PLAGL1: variants seen among roughly 807,000 people sequenced by gnomAD.
PLAGL1 encodes zinc finger protein PLAGL1.
Under a neutral mutation model 4.6 loss-of-function variants are expected in PLAGL1, and 1 was observed. The ratio of observed to expected loss-of-function variants is 0.22; its 90% CI spans 0.08 to 1.03. The LOEUF (loss-of-function observed/expected upper bound fraction) is 1.03. PLAGL1 is among the 50% of genes least tolerant of loss of function. The pLI is 0.58. For synonymous variants in PLAGL1, 240 were observed against 237.8 expected, an observed-to-expected ratio of 1.01 and a Z score of -0.08; for missense variants, 464 against 570.4, an observed-to-expected ratio of 0.81 and a Z score of 1.90.
intron 1 of PLAGL1, among the ~76,000 whole-genome samples, chr6:144,038,944 T>C (rs1797501699): frequency 6.6e-6 from 1 of 152,232 alleles, no homozygotes; most frequent in African/African-American, 2.4e-5. Flanking sequence ...TTGTATGATA[T>C]GTGAACTATA....
chr6:144,024,255 A>C (rs560547779), intron 1 of PLAGL1, among the ~76,000 whole-genome samples: 3 of 152,318 alleles, frequency 2.0e-5, no homozygotes, highest in African/African-American at 7.2e-5. Flanking sequence ...TCTCCAATAA[A>C]AGGAACCATG....
In PLAGL1 at chr6:143,971,823, G is replaced by A. The variant is rs543031868; in HGVS notation, c.-543-2845C>T. On this transcript the variant is annotated intron_variant, in intron 2 of 7. Transcript: ENST00000674357. This position sits in a 1 kb window ranked among gnomAD's most constrained non-coding sequence, Gnocchi z 4.7. ...CTTATCCATCTCAATCACTAAATTC[G>A]GTCAAGTAAAAGTCTACAAAATTCT... Among the ~76,000 whole-genome samples, 15 of 152,162 alleles carry A rather than the reference G, an allele frequency of 9.9e-5. No homozygotes were observed. Among genetic ancestry groups the A allele is most frequent in the East Asian group, 3.9e-4 (2 of 5,190 alleles).
chr6:144,038,329 T>C (rs1008561868), intron 1 of PLAGL1, among the ~76,000 whole-genome samples: 4 of 152,226 alleles, frequency 2.6e-5, no homozygotes, highest in Non-Finnish European at 4.4e-5. Flanking sequence ...ACTGACAAGC[T>C]GTTCCTAAAA....
At position 143,994,082 on chromosome 6, in the gene PLAGL1, A is replaced by G. The variant is rs6928827; in HGVS notation, c.-583-8908T>C. On this transcript the variant is annotated intron_variant, in intron 1 of 7. Transcript: ENST00000674357. This position sits in a 1 kb window ranked among gnomAD's most constrained non-coding sequence, Gnocchi z 4.3. ...AGAACTCCCTAGGGGCAAGGCCAGT[A>G]CTTCTGAAAATGATGAACAAGAAGG... 0.85 allele frequency among the ~76,000 whole-genome samples: 128,785 copies of G among 151,670 alleles called. 54,911 individuals carry two copies. Among genetic ancestry groups the G allele is most frequent in the Non-Finnish European group, 0.88 (59,952 of 67,884 alleles).
Position 143,970,561 on chromosome 6 carries a change from G to C in PLAGL1, c.-543-1583C>G, listed in dbSNP as rs1785230281. Among the ~76,000 whole-genome samples, 2 of 152,044 alleles carry C rather than the reference G, an allele frequency of 1.3e-5. No individual in the cohort carries two copies. Among genetic ancestry groups the C allele is most frequent in the African/African-American group, 4.8e-5 (2 of 41,390 alleles). On this transcript the variant is annotated intron_variant, in intron 2 of 7. Transcript: ENST00000674357. The surrounding 1 kb of genome is among the most constrained non-coding windows in gnomAD (Gnocchi z 5.8). ...TAAGGAGGATGTCTTGTTTTCAACG[G>C]CTAGATAAACGTTTATTAGGGCTGC... is the stretch of plus-strand genomic sequence containing the variant.
intron 1 of PLAGL1, among the ~76,000 whole-genome samples, chr6:143,986,734 C>A (rs1789256163): frequency 6.6e-6 from 1 of 152,150 alleles, no homozygotes; most frequent in African/African-American, 2.4e-5. Flanking sequence ...AACTACACAG[C>A]ACATTTATGC....
intron 1 of PLAGL1, among the ~76,000 whole-genome samples, chr6:143,993,339 C>CAT (rs1244594702): frequency 6.7e-6 from 1 of 149,560 alleles, no homozygotes; most frequent in African/African-American, 2.5e-5. Context: ...AAAACACACA[C>CAT]ACACACACAC....
rs1260243602 is a variant in PLAGL1 at position 143,979,607 on chromosome 6, T to TAAATAA, written c.-544+5527_-544+5528insTTATTT. ...AGTATAAAAACTTTATAGTTATATT[T>TAAATAA]TTCCTCACCTGACCTTTGTGCAATT... On this transcript the variant is annotated intron_variant, in intron 2 of 7. Transcript: ENST00000674357. This position sits in a 1 kb window ranked among gnomAD's most constrained non-coding sequence, Gnocchi z 4.6. Among the ~76,000 whole-genome samples the TAAATAA allele has an allele frequency of 7.9e-5, 12 of 152,222 alleles. No individual in the cohort carries two copies. The highest frequency in any genetic ancestry group is 1.8e-4 in the Non-Finnish European group (12 of 67,938).
At chr6:143,956,907 C>T (rs1198311600) in intron 6 of PLAGL1, among the ~76,000 whole-genome samples, 1 of 152,234 alleles carries the variant, frequency 6.6e-6, no homozygotes, top group Non-Finnish European at 1.5e-5. Flanking sequence ...AGAAGTGCTT[C>T]ATCTCTCACA....
intron 1 of PLAGL1, among the ~76,000 whole-genome samples, chr6:144,001,073 G>C (rs2128657125): frequency 6.6e-6 from 1 of 151,966 alleles, no homozygotes; most frequent in African/African-American, 2.4e-5. Context: ...CCAATAAAAG[G>C]AATCAAGACA....
rs778639715 is a variant in PLAGL1, at chr6:144,013,579, T to A, written c.-150-44601A>T. ...AGGCCAGAAGTCTGAAATCAAGATA[T>A]CAGCAAAGGCCGCAGGCGCCATCTA... On this transcript the variant is annotated intron_variant, in intron 1 of 3. Coordinates refer to the PLAGL1 transcript ENST00000437412. The surrounding 1 kb of genome is among the most constrained non-coding windows in gnomAD (Gnocchi z 4.4). 1.3e-5 allele frequency among the ~76,000 whole-genome samples: 2 copies of A among 152,208 alleles called. No individual in the cohort carries two copies. Among genetic ancestry groups the A allele is most frequent in the East Asian group, 3.8e-4 (2 of 5,204 alleles).
In PLAGL1 at chr6:143,949,469, C is replaced by T. The variant is rs1021373098; in HGVS notation, c.-324-1009G>A. ...TACACTTGGAGATGTCTCCTCCTAG[C>T]TTCACTCTCAGGACCTGGACCAACC... On this transcript the variant is annotated intron_variant, in intron 6 of 7. Transcript: ENST00000674357. This position sits in a 1 kb window ranked among gnomAD's most constrained non-coding sequence, Gnocchi z 5.3. 6.6e-6 allele frequency among the ~76,000 whole-genome samples: 1 copy of T among 152,174 alleles called. No homozygotes were observed. Among genetic ancestry groups the T allele is most frequent in the South Asian group, 2.1e-4 (1 of 4,832 alleles).
chr6:144,002,635 G>C (rs1793154765), intron 1 of PLAGL1, among the ~76,000 whole-genome samples: 1 of 151,696 alleles, frequency 6.6e-6, no homozygotes, highest in Admixed American at 6.6e-5. Flanking sequence ...CACTAGGCAA[G>C]ATGTTTGGAA....
chr6:143,986,621 A>G (rs1468899911), intron 1 of PLAGL1, among the ~76,000 whole-genome samples: 11 of 152,342 alleles, frequency 7.2e-5, no homozygotes, highest in Non-Finnish European at 1.5e-4. Flanking sequence ...GATCATGTTC[A>G]GATTATAGTA....
In PLAGL1 at chr6:143,955,476, G is replaced by A. The variant is rs1781925397; in HGVS notation, c.-325+4993C>T. ...CAGCCACAAACTCTTGAATTTATGT[G>A]GAGATGCAGTGAGGAGGGCGGGAAG... On this transcript the variant is annotated intron_variant, in intron 6 of 7. Coordinates refer to ENST00000674357, the MANE Select transcript of PLAGL1 (RefSeq NM_001317162.2). This position sits in a 1 kb window ranked among gnomAD's most constrained non-coding sequence, Gnocchi z 4.9. Among the ~76,000 whole-genome samples, 1 of 152,140 alleles carries A rather than the reference G, an allele frequency of 6.6e-6. No individual in the cohort carries two copies. Among genetic ancestry groups the A allele is most frequent in the Non-Finnish European group, 1.5e-5 (1 of 68,024 alleles).
rs1247599667 is a variant in PLAGL1 at position 144,035,921 on chromosome 6, G to T, written c.-151+28547C>A. 2.6e-5 allele frequency among the ~76,000 whole-genome samples: 4 copies of T among 152,182 alleles called. No individual in the cohort carries two copies. The East Asian group carries it at 7.7e-4, about 29-fold the overall frequency. On this transcript the variant is annotated intron_variant, in intron 1 of 3. Coordinates refer to the PLAGL1 transcript ENST00000437412. Reference sequence around the variant, plus strand: ...TAGCCACCTGGTGGGGCAAAGAAACGCAGTTCAGGGATCACTGGAGTGGGC... The same window carrying T: ...TAGCCACCTGGTGGGGCAAAGAAACTCAGTTCAGGGATCACTGGAGTGGGC...
chr6:144,011,710 G>A (rs142496364), upstream of PLAGL1, among the ~76,000 whole-genome samples: 35 of 152,338 alleles, frequency 2.3e-4, 2 homozygotes, highest in Admixed American at 2.3e-3. The surrounding 1 kb of genome is among the most constrained non-coding windows in gnomAD (Gnocchi z 4.3). Flanking sequence ...GGGAAAAGGG[G>A]ATGTGTGGAA....
At chr6:144,045,286 C>T (rs931991018) in intron 1 of PLAGL1, among the ~76,000 whole-genome samples, 1 of 152,094 alleles carries the variant, frequency 6.6e-6, no homozygotes, top group East Asian at 1.9e-4. Context: ...TATCGATGGT[C>T]TTTACAATTG....
In PLAGL1 at chr6:143,954,235, A is replaced by G. The variant is rs1160646936; in HGVS notation, c.-324-5775T>C. Among the ~76,000 whole-genome samples the G allele has an allele frequency of 6.6e-6, 1 of 152,188 alleles. No homozygotes were observed. Among genetic ancestry groups the G allele is most frequent in the African/African-American group, 2.4e-5 (1 of 41,442 alleles). On this transcript the variant is annotated intron_variant, in intron 6 of 7. Transcript: ENST00000674357. The surrounding 1 kb of genome is among the most constrained non-coding windows in gnomAD (Gnocchi z 5.1). ...TGACTCACAAATTAGTAGGCCAAGG[A>G]TCACCAGAAATCAGAGGAAGGCACT...
Sources: gnomAD v4.1 joint callset for allele counts (sites outside exome capture counted in the v4.1 genomes callset) on GRCh38, gnomAD v4.1.1 for gene constraint, Gnocchi (gnomAD v3.1) non-coding constraint, MANE v1.5 for transcripts, NCBI Gene and HGNC (gene_info 2026-07-23, HGNC 2026-07-21) for gene names.